The following DGKH variants were observed in gnomAD, a reference collection of about 807,000 sequenced individuals.
DGKH encodes the protein DAG kinase eta.
Under a neutral mutation model 159.3 loss-of-function variants are expected in DGKH, and 90 were observed. The observed-to-expected ratio is 0.57, with a 90% CI of 0.48 to 0.67. The LOEUF (loss-of-function observed/expected upper bound fraction) is 0.67, where lower values mean the gene tolerates loss of function less well. Among genes scored for constraint, DGKH ranks in the 30% least tolerant of loss-of-function variants. DGKH has a pLI of 0.00. For synonymous variants in DGKH, 536 were observed against 553.8 expected, an observed-to-expected ratio of 0.97 and a Z score of 0.45; for missense variants, 1,181 against 1,506.1, an observed-to-expected ratio of 0.78 and a Z score of 3.57.
chr13:42,223,406 T>C (rs1014588578), intron 29 of DGKH, among the ~76,000 whole-genome samples: 2 of 152,214 alleles, frequency 1.3e-5, no homozygotes, highest in African/African-American at 4.8e-5. Context: ...TCAGGTATTA[T>C]ACAGGGATAT....
At chr13:42,248,017 GTGTT>G (rs1958594257) in intron 29 of DGKH, among the ~76,000 whole-genome samples, 1 of 152,154 alleles carries the variant, frequency 6.6e-6, no homozygotes, top group South Asian at 2.1e-4. Flanking sequence ...CCTGTGTACA[GTGTT>G]TGTAAAGTCT....
intron 1 of DGKH, among the ~76,000 whole-genome samples, chr13:42,113,762 G>C (rs954193258): frequency 2.0e-5 from 3 of 152,134 alleles, no homozygotes; most frequent in Non-Finnish European, 4.4e-5. Context: ...TATGAGTTCC[G>C]GCATGGCTAC....
At chr13:42,061,852 T>C (rs1387417782) in intron 1 of DGKH, among the ~76,000 whole-genome samples, 3 of 152,218 alleles carry the variant, frequency 2.0e-5, no homozygotes, top group African/African-American at 4.8e-5. Context: ...CCTGCTGTTA[T>C]AGAGCTTATA....
At chr13:42,070,161 C>T (rs971826111) in intron 1 of DGKH, 16 of 917,912 alleles carry the variant, frequency 1.7e-5, no homozygotes, top group African/African-American at 4.8e-5. Flanking sequence ...GATGGGAGAG[C>T]GCTTCTTCTG....
intron 1 of DGKH, among the ~76,000 whole-genome samples, chr13:42,118,467 T>C (rs1284361622): frequency 6.6e-6 from 1 of 152,254 alleles, no homozygotes; most frequent in Non-Finnish European, 1.5e-5. Flanking sequence ...GGTAGGTTGC[T>C]GTCTTTGCCC....
At chr13:42,103,825 G>A (rs748141563) in intron 1 of DGKH, among the ~76,000 whole-genome samples, 29 of 152,142 alleles carry the variant, frequency 1.9e-4, no homozygotes, top group Admixed American at 3.3e-4. Context: ...ACCAAATCAG[G>A]GTTCGGTTAG....
upstream of DGKH, among the ~76,000 whole-genome samples, chr13:42,047,040 G>A (rs1053163511): frequency 2.0e-5 from 3 of 152,150 alleles, no homozygotes; most frequent in Non-Finnish European, 4.4e-5. Flanking sequence ...GTTCTTTGTA[G>A]ATAAAGAATT....
chr13:42,188,753 T>TA (rs564426786), intron 14 of DGKH, among the ~76,000 whole-genome samples: 44 of 152,192 alleles, frequency 2.9e-4, no homozygotes, highest in Non-Finnish European at 5.7e-4. Context: ...TGTGCCAACT[T>TA]AAAAAATTAT....
downstream of DGKH, among the ~76,000 whole-genome samples, chr13:42,244,903 C>CAAAAAAAAA (rs57184890): frequency 1.4e-4 from 6 of 42,966 alleles, no homozygotes; most frequent in Admixed American, 4.4e-4. Context: ...GACTCCGTCT[C>CAAAAAAAAA]AAAAAAAAAA....
intron 1 of DGKH, among the ~76,000 whole-genome samples, chr13:42,118,491 G>A (rs1351337011): frequency 1.3e-5 from 2 of 152,178 alleles, no homozygotes; most frequent in Non-Finnish European, 2.9e-5. Context: ...TAAAGGCCGC[G>A]ACCTGGTGGG....
At chr13:42,178,931 G>A (rs986316624) in intron 13 of DGKH, among the ~76,000 whole-genome samples, 1 of 151,836 alleles carries the variant, frequency 6.6e-6, no homozygotes, top group Non-Finnish European at 1.5e-5. Flanking sequence ...GCAGAAAAGG[G>A]GAAGAAAGAA....
chr13:42,040,773 G>T (rs1038481309), intron 1 of DGKH, among the ~76,000 whole-genome samples: 3 of 148,356 alleles, frequency 2.0e-5, no homozygotes, highest in Non-Finnish European at 4.5e-5. Flanking sequence ...CGGCGGCGGC[G>T]GCCGAGAGGG....
intron 1 of DGKH, among the ~76,000 whole-genome samples, chr13:42,041,832 A>G (rs1004018916): frequency 1.3e-5 from 2 of 151,992 alleles, no homozygotes; most frequent in African/African-American, 4.8e-5. Context: ...CCCCGTCCGA[A>G]ATTTCTGGCC....
At chr13:42,208,435 T>C (rs1206212370) in intron 21 of DGKH, among the ~76,000 whole-genome samples, 3 of 152,162 alleles carry the variant, frequency 2.0e-5, no homozygotes, top group Non-Finnish European at 4.4e-5. Flanking sequence ...AAAAGTTTTG[T>C]ATTAAAATAT....
chr13:42,204,292 G>C (rs953717461), intron 20 of DGKH, among the ~76,000 whole-genome samples: 1 of 152,138 alleles, frequency 6.6e-6, no homozygotes, highest in African/African-American at 2.4e-5. Flanking sequence ...ATTCTGTTAA[G>C]TATTTCATAT....
chr13:42,256,389 T>G, exon 31 of DGKH: 1 of 1,580,988 alleles, frequency 6.3e-7, no homozygotes, highest in Non-Finnish European at 8.7e-7. Context: ...AATCCTCGTA[T>G]AGCGTATGAC....
intron 3 of DGKH, among the ~76,000 whole-genome samples, chr13:42,148,623 G>A (rs1366476826): frequency 6.6e-6 from 1 of 152,112 alleles, no homozygotes; most frequent in African/African-American, 2.4e-5. Context: ...ATGAGTATCT[G>A]GTTTGTGTCT....
At chr13:42,110,280 C>T (rs899081273) in intron 1 of DGKH, among the ~76,000 whole-genome samples, 3 of 152,188 alleles carry the variant, frequency 2.0e-5, no homozygotes, top group African/African-American at 4.8e-5. Flanking sequence ...ACCCCCAGCT[C>T]CTCCTGCAGC....
chr13:42,057,092 C>CTTT, intron 1 of DGKH, among the ~76,000 whole-genome samples: 1 of 152,150 alleles, frequency 6.6e-6, no homozygotes, highest in Middle Eastern at 3.4e-3. Context: ...TTTTAACGTA[C>CTTT]TTTTAAAAGG....
Sources: gnomAD v4.1 joint callset for allele counts (sites outside exome capture counted in the v4.1 genomes callset) on GRCh38, gnomAD v4.1.1 for gene constraint, MANE v1.5 for transcripts, NCBI Gene and HGNC (gene_info 2026-07-23, HGNC 2026-07-21) for gene names.